The following RASGEF1C variants were observed in gnomAD, a reference collection of about 807,000 sequenced individuals.
RASGEF1C encodes the protein ras-GEF domain-containing family member 1C.
A neutral mutation model predicts 58.1 loss-of-function variants in RASGEF1C; 27 were observed. The ratio of observed to expected loss-of-function variants is 0.46; its 90% CI spans 0.34 to 0.64. The LOEUF (loss-of-function observed/expected upper bound fraction) is 0.64, where lower values mean the gene tolerates loss of function less well. RASGEF1C is among the 30% of genes least tolerant of loss of function. The pLI is 0.01. For synonymous variants in RASGEF1C, 243 were observed against 246.3 expected, an observed-to-expected ratio of 0.99 and a Z score of 0.13; for missense variants, 502 against 605.1, an observed-to-expected ratio of 0.83 and a Z score of 1.79.
At chr5:180,138,357 C>G (rs1180876761) in intron 1 of RASGEF1C, 2 of 294,250 alleles carry the variant, frequency 6.8e-6, no homozygotes, top group African/African-American at 2.2e-5. Context: ...CCCGGCACCC[C>G]TCCACGAAGG....
At chr5:180,167,772 A>G (rs1292960036) in intron 1 of RASGEF1C, among the ~76,000 whole-genome samples, 1 of 152,222 alleles carries the variant, frequency 6.6e-6, no homozygotes, top group African/African-American at 2.4e-5. Context: ...ACTTCTTCAC[A>G]GGTTAAGTAA....
At position 180,155,034 on chromosome 5, in the gene RASGEF1C, G is replaced by A. The variant is rs996748735; in HGVS notation, c.-6-16976C>T. ...CTGGGGGACAACCTGAGTACTTGAA[G>A]CCACAGTGTGACTCTTGGAAGCCTC... On this transcript the variant is annotated intron_variant, in intron 1 of 13. Transcript: ENST00000361132. This position sits in a 1 kb window ranked among gnomAD's most constrained non-coding sequence, Gnocchi z 5.2. 1.3e-5 allele frequency among the ~76,000 whole-genome samples: 2 copies of A among 152,194 alleles called. No homozygotes were observed. Among genetic ancestry groups the A allele is most frequent in the African/African-American group, 4.8e-5 (2 of 41,464 alleles).
chr5:180,193,813 G>C (rs1053185605), intron 1 of RASGEF1C, among the ~76,000 whole-genome samples: 3 of 151,900 alleles, frequency 2.0e-5, no homozygotes, highest in African/African-American at 7.2e-5. Flanking sequence ...TTTATGAGAT[G>C]TGTCAACTGG....
intron 4 of RASGEF1C, among the ~76,000 whole-genome samples, chr5:180,134,849 C>T (rs1326698174): frequency 1.4e-5 from 2 of 142,426 alleles, no homozygotes; most frequent in Non-Finnish European, 1.5e-5. Flanking sequence ...TTCACCCATC[C>T]ACCCACCCAC....
At chr5:180,172,805 C>G (rs937585234) in intron 1 of RASGEF1C, among the ~76,000 whole-genome samples, 2 of 152,126 alleles carry the variant, frequency 1.3e-5, no homozygotes, top group African/African-American at 4.8e-5. Context: ...CTCCCTGCCA[C>G]CCTGCGCTTC....
In RASGEF1C at chr5:180,155,916, C is replaced by A. The variant is rs544257840; in HGVS notation, c.-6-17858G>T. 7.2e-5 allele frequency among the ~76,000 whole-genome samples: 11 copies of A among 152,282 alleles called. No individual in the cohort carries two copies. The highest frequency in any genetic ancestry group is 4.6e-4 in the Admixed American group (7 of 15,300). ...CCTGGCCAAGAGGGCACTGTCCCCCCCTCACTGCTGAGCAAGCAAGTGACC... is the reference window on the plus strand; with the variant it reads ...CCTGGCCAAGAGGGCACTGTCCCCCACTCACTGCTGAGCAAGCAAGTGACC... On this transcript the variant is annotated intron_variant, in intron 1 of 13. Transcript: ENST00000361132. This position sits in a 1 kb window ranked among gnomAD's most constrained non-coding sequence, Gnocchi z 5.2.
At chr5:180,135,471 C>A (rs1766454905) in intron 4 of RASGEF1C, among the ~76,000 whole-genome samples, 1 of 152,208 alleles carries the variant, frequency 6.6e-6, no homozygotes. Flanking sequence ...TCAACATGTG[C>A]CCCCGCCCAC....
chr5:180,175,558 G>C (rs1767210637), intron 1 of RASGEF1C, among the ~76,000 whole-genome samples: 1 of 152,164 alleles, frequency 6.6e-6, no homozygotes, highest in Admixed American at 6.5e-5. Context: ...CCACTCCAGG[G>C]CCACACTCGG....
intron 1 of RASGEF1C, among the ~76,000 whole-genome samples, chr5:180,140,625 G>A (rs1189839590): frequency 6.6e-6 from 1 of 152,192 alleles, no homozygotes; most frequent in Non-Finnish European, 1.5e-5. Context: ...GCGTGCTGGT[G>A]CAGACAGGCC....
At chr5:180,189,919 A>G (rs1756114643) in intron 1 of RASGEF1C, among the ~76,000 whole-genome samples, 2 of 90,106 alleles carry the variant, frequency 2.2e-5, no homozygotes, top group African/African-American at 3.8e-5. Context: ...GCAAAACTCC[A>G]TCTCAAAAAA....
At chr5:180,101,636 GC>G in intron 13 of RASGEF1C, 111 bp from the exon 14 acceptor site, 1 of 1,335,898 alleles carries the variant, frequency 7.5e-7, no homozygotes, top group Non-Finnish European at 1.0e-6. Flanking sequence ...CCAGCCTCCT[GC>G]CCCAGAGGGG....
At chr5:180,147,009 G>A (rs758057726) in intron 1 of RASGEF1C, among the ~76,000 whole-genome samples, 5 of 151,806 alleles carry the variant, frequency 3.3e-5, no homozygotes, top group South Asian at 2.1e-4. Flanking sequence ...GTCTATTTAC[G>A]GTTTCTAATT....
intron 1 of RASGEF1C, among the ~76,000 whole-genome samples, chr5:180,184,301 G>A (rs1755986497): frequency 6.6e-6 from 1 of 152,174 alleles, no homozygotes. Flanking sequence ...TGGGCTGGAT[G>A]CAGTGGCTCA....
intron 1 of RASGEF1C, among the ~76,000 whole-genome samples, chr5:180,163,396 T>C (rs1321604791): frequency 1.3e-5 from 2 of 152,000 alleles, no homozygotes; most frequent in East Asian, 3.8e-4. Flanking sequence ...TTTGTGAAAA[T>C]GCCCTTTATC....
chr5:180,205,944 A>G (rs1252804337), intron 1 of RASGEF1C, among the ~76,000 whole-genome samples: 6 of 152,172 alleles, frequency 3.9e-5, no homozygotes. Flanking sequence ...CATGTTGGCC[A>G]GGCTGGTTTC....
chr5:180,140,793 G>A (rs922392317), intron 1 of RASGEF1C, among the ~76,000 whole-genome samples: 3 of 152,240 alleles, frequency 2.0e-5, no homozygotes, highest in African/African-American at 7.2e-5. Context: ...GAGGGCTGAC[G>A]GCAGGATGCA....
rs140195935 is a variant in RASGEF1C, at chr5:180,155,194, A to G, written c.-6-17136T>C. 5.5e-3 allele frequency among the ~76,000 whole-genome samples: 834 copies of G among 152,286 alleles called. 17 individuals are homozygous for G. The highest frequency in any genetic ancestry group is 0.018 in the African/African-American group (768 of 41,556). The stretch of plus-strand genomic sequence containing the variant: ...CCCCCAACCCTGAGTATGGGTCTGG[A>G]CTATGCTAGCTCATGTCTGGCTGCC... On this transcript the variant is annotated intron_variant, in intron 1 of 13. Transcript: ENST00000361132. The surrounding 1 kb of genome is among the most constrained non-coding windows in gnomAD (Gnocchi z 5.2).
chr5:180,139,688 C>T (rs952438745), intron 1 of RASGEF1C, among the ~76,000 whole-genome samples: 3 of 152,228 alleles, frequency 2.0e-5, no homozygotes, highest in South Asian at 4.1e-4. Flanking sequence ...AAAATCACCT[C>T]CTGTCTGTCC....
chr5:180,205,244 A>G (rs1192627890), intron 1 of RASGEF1C, among the ~76,000 whole-genome samples: 3 of 152,158 alleles, frequency 2.0e-5, no homozygotes, highest in Non-Finnish European at 4.4e-5. Flanking sequence ...TAAAACTAAC[A>G]ATAAAAATTC....
Sources: allele counts gnomAD v4.1 joint callset (sites outside exome capture counted in the v4.1 genomes callset), GRCh38; gene constraint gnomAD v4.1.1; non-coding constraint Gnocchi (gnomAD v3.1); transcripts MANE v1.5; gene names NCBI Gene and HGNC (gene_info 2026-07-23, HGNC 2026-07-21).